Variants in TMCC1 observed in about 807,000 individuals in gnomAD.
The protein encoded by TMCC1 is transmembrane and coiled-coil domains protein 1.
Under a neutral mutation model 52.4 loss-of-function variants are expected in TMCC1, and 15 were observed. That is an observed-to-expected ratio of 0.29 (90% CI 0.19 to 0.44). The LOEUF (loss-of-function observed/expected upper bound fraction) is 0.44. TMCC1 is among the 20% of genes least tolerant of loss of function. The pLI is 1.00. For missense variants in TMCC1, 503 were observed against 806.0 expected, an observed-to-expected ratio of 0.62 and a Z score of 4.55; for synonymous variants, 279 against 301.9, an observed-to-expected ratio of 0.92 and a Z score of 0.79.
chr3:129,749,844 CA>C (rs2052335305), intron 4 of TMCC1, among the ~76,000 whole-genome samples: 1 of 152,142 alleles, frequency 6.6e-6, no homozygotes, highest in Non-Finnish European at 1.5e-5. Flanking sequence ...AGACCTGTCT[CA>C]GCTTTCCAAT....
intron 5 of TMCC1, among the ~76,000 whole-genome samples, chr3:129,662,900 CAG>C (rs2087151393): frequency 6.6e-6 from 1 of 152,120 alleles, no homozygotes; most frequent in Admixed American, 6.5e-5. Flanking sequence ...TATCAGCAAA[CAG>C]AAAGCCTTTG....
intron 2 of TMCC1, among the ~76,000 whole-genome samples, chr3:129,852,666 C>T (rs1229403155): frequency 6.6e-6 from 1 of 151,954 alleles, no homozygotes; most frequent in Non-Finnish European, 1.5e-5. Flanking sequence ...TCAACCGTAC[C>T]CTTAAAAATG....
chr3:129,831,732 C>A (rs1392802760), intron 3 of TMCC1, among the ~76,000 whole-genome samples: 1 of 152,172 alleles, frequency 6.6e-6, no homozygotes, highest in Non-Finnish European at 1.5e-5. Context: ...AGTAAGAATG[C>A]AAGCACAAAA....
chr3:129,878,838 G>T (rs2061340288), intron 2 of TMCC1, among the ~76,000 whole-genome samples: 1 of 152,118 alleles, frequency 6.6e-6, no homozygotes, highest in African/African-American at 2.4e-5. Context: ...TAATTCATGT[G>T]CACATTGAAG....
chr3:129,800,651 T>A (rs1213796207), intron 4 of TMCC1, among the ~76,000 whole-genome samples: 1 of 80,404 alleles, frequency 1.2e-5, no homozygotes, highest in Non-Finnish European at 4.8e-5. Flanking sequence ...TCTCATTTTC[T>A]ATATATCCAT....
At chr3:129,846,029 G>A (rs2059650365) in intron 2 of TMCC1, among the ~76,000 whole-genome samples, 1 of 151,576 alleles carries the variant, frequency 6.6e-6, no homozygotes, top group South Asian at 2.1e-4. Context: ...GTGAGACTCT[G>A]TCTCAAAAAA....
intron 4 of TMCC1, among the ~76,000 whole-genome samples, chr3:129,793,537 T>C (rs2056615337): frequency 6.6e-6 from 1 of 152,236 alleles, no homozygotes; most frequent in Non-Finnish European, 1.5e-5. Context: ...ATGGAGCTTT[T>C]AAAGAACACA....
rs1690162502 is a variant in TMCC1, at chr3:129,651,543, G to A, written c.1900C>T (p.Leu634Phe). 1 of 1,614,066 alleles carries A rather than the reference G, an allele frequency of 6.2e-7. No homozygotes were observed. Residue 634 changes from leucine to phenylalanine, a missense_variant, in exon 7 of 7, where the codon CTC (leucine) becomes TTC (phenylalanine). By Grantham distance (22) the Leu-to-Phe change is conservative. Around this residue, in one of 7 missense-constraint regions of TMCC1, gnomAD observed 50 missense variants for 62.6 expected, o/e 0.80. Transcript: ENST00000393238. This position sits in a 1 kb window ranked among gnomAD's most constrained non-coding sequence, Gnocchi z 5.1. Reference protein sequence around the residue: ...TLFLVVFIAFLWKHWDALFSY... With the variant: ...TLFLVVFIAFFWKHWDALFSY... ...AAGAGGGCGTCCCAGTGCTTCCAGA[G>A]AAAGGCAATAAAAACCACAAGGAAT...
intron 5 of TMCC1, among the ~76,000 whole-genome samples, chr3:129,662,682 A>G (rs976959512): frequency 4.6e-5 from 7 of 152,130 alleles, no homozygotes; most frequent in African/African-American, 1.4e-4. Flanking sequence ...TTATGAAACA[A>G]CTGTCTTATA....
In TMCC1 at chr3:129,651,732, C is replaced by CCTG. The variant is rs781456164; in HGVS notation, c.1708_1710dup (p.Gln570dup). ...TTCTCCAGCCCTTCTAGCTGCACCA[C>CCTG]CTGCTGCTGCTGCTGCTGCAGCTCC... On this transcript the variant is annotated inframe_insertion, in exon 7 of 7. Coordinates refer to ENST00000393238, the MANE Select transcript of TMCC1 (RefSeq NM_001017395.5). This position sits in a 1 kb window ranked among gnomAD's most constrained non-coding sequence, Gnocchi z 5.1. The CCTG allele has an allele frequency of 4.3e-6, 7 of 1,613,530 alleles. No homozygotes were observed. The highest frequency in any genetic ancestry group is 1.3e-5 in the African/African-American group (1 of 74,998).
At chr3:129,834,600 G>GT (rs776737944) in intron 2 of TMCC1, among the ~76,000 whole-genome samples, 8 of 152,132 alleles carry the variant, frequency 5.3e-5, no homozygotes, top group Non-Finnish European at 1.2e-4. Flanking sequence ...TAATGATCAT[G>GT]TAAGATGCAT....
At chr3:129,657,426 A>G (rs374933264) in intron 5 of TMCC1, among the ~76,000 whole-genome samples, 1 of 152,374 alleles carries the variant, frequency 6.6e-6, no homozygotes, top group East Asian at 1.9e-4. Context: ...ATAGATGAGG[A>G]AACAGAAGCT....
intron 4 of TMCC1, among the ~76,000 whole-genome samples, chr3:129,684,201 C>T (rs538423978): frequency 2.0e-5 from 3 of 152,268 alleles, no homozygotes; most frequent in African/African-American, 7.2e-5. Context: ...CCTAAAAGGG[C>T]TAATAAATCA....
intron 1 of TMCC1, among the ~76,000 whole-genome samples, chr3:129,882,428 G>A (rs2061502219): frequency 2.0e-5 from 3 of 151,618 alleles, no homozygotes; most frequent in African/African-American, 7.3e-5. Context: ...AATGTACGAT[G>A]CTACAGCCAC....
intron 4 of TMCC1, among the ~76,000 whole-genome samples, chr3:129,736,788 G>A (rs2051007959): frequency 6.6e-6 from 1 of 151,932 alleles, no homozygotes; most frequent in African/African-American, 2.4e-5. Context: ...CCAAAGTGCT[G>A]GGATTACAAG....
rs367576980 is a variant in TMCC1 at position 129,818,296 on chromosome 3, G to A, written c.576+9507C>T. 4.6e-5 allele frequency among the ~76,000 whole-genome samples: 7 copies of A among 152,062 alleles called. No homozygotes were observed. In the East Asian group the frequency reaches 1.4e-3, roughly 29 times the overall value. ...AAATACAAAACTTCTTTAAATTTCTGTGATCAGCAGACATCAGTTTTAAAG... is the reference window on the plus strand; with the variant it reads ...AAATACAAAACTTCTTTAAATTTCTATGATCAGCAGACATCAGTTTTAAAG... On this transcript the variant is annotated intron_variant, in intron 4 of 6. Transcript: ENST00000393238.
intron 5 of TMCC1, among the ~76,000 whole-genome samples, chr3:129,658,988 A>C (rs1178860751): frequency 6.6e-6 from 1 of 152,194 alleles, no homozygotes; most frequent in East Asian, 1.9e-4. Flanking sequence ...TGTTGCAGAA[A>C]TAAATCCTCT....
chr3:129,798,808 A>G (rs1413418762), intron 4 of TMCC1, among the ~76,000 whole-genome samples: 1 of 152,218 alleles, frequency 6.6e-6, no homozygotes, highest in East Asian at 1.9e-4. Flanking sequence ...TTATTCTTTT[A>G]GTTACTGTCT....
At position 129,812,336 on chromosome 3, in the gene TMCC1, CAA is replaced by C. The variant is rs11387876; in HGVS notation, c.576+15465_576+15466del. 8.0e-3 allele frequency among the ~76,000 whole-genome samples: 448 copies of C among 55,978 alleles called. 1 individual carries two copies. The highest frequency in any genetic ancestry group is 0.036 in the African/African-American group (432 of 12,134). The allele number at this position is 55,978 out of a possible 152,430, so 36.7% of individuals were successfully genotyped here. On this transcript the variant is annotated intron_variant, in intron 4 of 6. Coordinates refer to ENST00000393238, the MANE Select transcript of TMCC1 (RefSeq NM_001017395.5). ...TAGGCAACAGAGCAAGACTCTGTCT[CAA>C]AAAAAAAAAAAAAAAAAAAAAGCCA...
Sources: allele counts gnomAD v4.1 joint callset (sites outside exome capture counted in the v4.1 genomes callset), GRCh38; gene constraint gnomAD v4.1.1; regional missense constraint gnomAD v4.1.1; non-coding constraint Gnocchi (gnomAD v3.1); transcripts MANE v1.5; gene names NCBI Gene and HGNC (gene_info 2026-07-23, HGNC 2026-07-21).